The following RPS29 variants were observed in gnomAD, a reference collection of about 807,000 sequenced individuals.
RPS29 encodes the protein small ribosomal subunit protein uS14.
For synonymous variants in RPS29, 37 were observed against 26.9 expected (o/e 1.37, Z -1.16); for missense variants, 60 against 75.7 (o/e 0.79, Z 0.77).
chr14:49,598,474 C>T (rs1446840639), exon 1 of RPS29: 2 of 702,426 alleles, frequency 2.8e-6, no homozygotes, highest in Non-Finnish European at 5.2e-6. Flanking sequence ...CTTCGACGTG[C>T]CAGGTGTGCC....
exon 3 of RPS29, chr14:49,576,957 A>G (rs1182310707): frequency 1.3e-5 from 2 of 152,218 alleles, no homozygotes; most frequent in African/African-American, 4.8e-5. Context: ...CTTTATCAGC[A>G]GTGTGAAAAT....
chr14:49,582,758 GACA>G (rs528628932), downstream of RPS29, among the ~76,000 whole-genome samples: 73 of 152,292 alleles, frequency 4.8e-4, no homozygotes, highest in Admixed American at 7.2e-4. Flanking sequence ...GCTTCCAGAT[GACA>G]ACGTGTCAAA....
At chr14:49,576,293 G>T (rs1298734756) in exon 3 of RPS29, 1 of 151,788 alleles carries the variant, frequency 6.6e-6, no homozygotes, top group African/African-American at 2.4e-5. Context: ...GGTAGATAGG[G>T]GATCTCCTGA....
exon 3 of RPS29, chr14:49,577,682 CTG>C (rs933968444): frequency 1.3e-6 from 1 of 786,940 alleles, no homozygotes; most frequent in South Asian, 1.5e-5. Context: ...GTTAATACCT[CTG>C]TGTTTCCACC....
chr14:49,586,367 G>C lies in RPS29; in HGVS notation c.-21C>G, dbSNP rs758133472. 11 of 1,611,190 alleles carry C rather than the reference G, an allele frequency of 6.8e-6. No homozygotes were observed. The highest frequency in any genetic ancestry group is 5.5e-5 in the South Asian group (5 of 91,032). On this transcript the variant is annotated 5_prime_UTR_variant, in exon 1 of 3. Coordinates refer to ENST00000245458, the MANE Select transcript of RPS29 (RefSeq NM_001032.5). The stretch of plus-strand genomic sequence containing the variant: ...CCCATCTTGCTCTCAGCAGTGCAAC[G>C]AGGTAAAAGGAAGAAGCTGGCCCAC...
downstream of RPS29, among the ~76,000 whole-genome samples, chr14:49,582,562 TCAA>T (rs1313558903): frequency 6.6e-6 from 1 of 152,230 alleles, no homozygotes; most frequent in Non-Finnish European, 1.5e-5. Flanking sequence ...GCATATAAAT[TCAA>T]TTGAGAAGTT....
chr14:49,588,875 CCTTTTTTT>C (rs750997717), upstream of RPS29, among the ~76,000 whole-genome samples: 833 of 108,418 alleles, frequency 7.7e-3, 13 homozygotes, highest in Non-Finnish European at 9.7e-3. Flanking sequence ...GTTTCTGAGT[CCTTTTTTT>C]TTTTTTTTTT....
chr14:49,588,847 T>A (rs1202541373), upstream of RPS29, among the ~76,000 whole-genome samples: 1 of 147,326 alleles, frequency 6.8e-6, no homozygotes, highest in Non-Finnish European at 1.5e-5. Context: ...TTTATCTTAA[T>A]CCTGTAGTCT....
At position 49,586,279 on chromosome 14, in the gene RPS29, T is replaced by C. The variant is rs896944779; in HGVS notation, c.62+6A>G. 3 of 1,613,278 alleles carry C rather than the reference T, an allele frequency of 1.9e-6. No homozygotes were observed. In the African/African-American group the frequency reaches 4.0e-5, roughly 22 times the overall value. On this transcript the variant is annotated splice_donor_region_variant and intron_variant, in intron 1 of 2. Coordinates refer to ENST00000245458, the MANE Select transcript of RPS29 (RefSeq NM_001032.5). The stretch of plus-strand genomic sequence containing the variant: ...CGCTTCCCCAAAATCACAAACTATT[T>C]CTCACCAAGAGCGAGAACCCTGGCC...
chr14:49,598,615 CG>C (rs1469043794), exon 1 of RPS29: 1 of 701,466 alleles, frequency 1.4e-6, no homozygotes, highest in Non-Finnish European at 2.6e-6. Context: ...TGCCTTCCCT[CG>C]GGAAACAGCG....
chr14:49,573,351 C>T (rs1236758904), exon 3 of RPS29: 5 of 151,458 alleles, frequency 3.3e-5, no homozygotes, highest in South Asian at 2.1e-4. Context: ...ACCTGTAATC[C>T]CAGCTACTCC....
chr14:49,580,755 C>A (rs1261307094), downstream of RPS29, among the ~76,000 whole-genome samples: 1 of 152,048 alleles, frequency 6.6e-6, no homozygotes, highest in Non-Finnish European at 1.5e-5. Flanking sequence ...CCTGTACAGG[C>A]ACACCTGTAA....
upstream of RPS29, among the ~76,000 whole-genome samples, chr14:49,590,794 G>A (rs1449158413): frequency 6.6e-6 from 1 of 151,598 alleles, no homozygotes. Context: ...AGGCTTAAGC[G>A]ATTCTCCTGC....
At chr14:49,578,292 T>C (rs1428003546) in intron 2 of RPS29, among the ~76,000 whole-genome samples, 2 of 152,076 alleles carry the variant, frequency 1.3e-5, no homozygotes, top group Non-Finnish European at 2.9e-5. Context: ...ACTAGCAATA[T>C]TGGTACCAGG....
At position 49,598,334 on chromosome 14, in the gene RPS29, T is replaced by C. The variant is rs1594580834; in HGVS notation, c.-133+66A>G. On this transcript the variant is annotated intron_variant, in intron 1 of 3. Coordinates refer to the RPS29 transcript ENST00000556230. ...AAGAAAATCAAGAGTACGAAGGCCT[T>C]GTGCGGTCTGGACGGTCTTTCCACG... 2.1e-5 allele frequency: 13 copies of C among 626,146 alleles called. No individual in the cohort carries two copies. In the South Asian group the frequency reaches 2.3e-4, roughly 11 times the overall value. The allele number at this position is 626,146 out of a possible 1,614,324, so 38.8% of individuals were successfully genotyped here. A position where few individuals can be genotyped will look rare whatever the true frequency, so the allele number is the denominator to read the frequency against.
At chr14:49,581,658 A>G (rs902002242), downstream of RPS29, among the ~76,000 whole-genome samples, 2 of 152,100 alleles carry the variant, frequency 1.3e-5, no homozygotes, top group African/African-American at 4.8e-5. Flanking sequence ...GGAATACAGG[A>G]GTGAGCCACT....
exon 3 of RPS29, chr14:49,575,624 A>G (rs1881159358): frequency 6.6e-6 from 1 of 152,144 alleles, no homozygotes; most frequent in African/African-American, 2.4e-5. Flanking sequence ...GGAAGGGAGG[A>G]TTGCATGAGC....
At chr14:49,597,837 C>T (rs1378237020) in intron 1 of RPS29, 1 of 151,898 alleles carries the variant, frequency 6.6e-6, no homozygotes, top group African/African-American at 2.4e-5. Flanking sequence ...TTCTTAGAGA[C>T]TGGGTTTTGC....
At chr14:49,586,177 C>T (rs1296731336) in intron 1 of RPS29, 108 bp downstream of exon 1, 1 of 1,404,222 alleles carries the variant, frequency 7.1e-7, no homozygotes, top group Non-Finnish European at 1.0e-6. Context: ...ACCAGCGACT[C>T]CCAGTCGGCG....
Sources: allele counts gnomAD v4.1 joint callset (sites outside exome capture counted in the v4.1 genomes callset), GRCh38; gene constraint gnomAD v4.1.1; transcripts MANE v1.5; gene names NCBI Gene and HGNC (gene_info 2026-07-23, HGNC 2026-07-21).